Variants in DHX40 observed in about 807,000 individuals in gnomAD.
DHX40 encodes the protein probable ATP-dependent RNA helicase DHX40.
A neutral mutation model predicts 89.6 loss-of-function variants in DHX40; 28 were observed. The observed-to-expected ratio is 0.31, with a 90% CI of 0.23 to 0.43. The LOEUF (loss-of-function observed/expected upper bound fraction) is 0.43, where lower values mean the gene tolerates loss of function less well. Among genes scored for constraint, DHX40 ranks in the 20% least tolerant of loss-of-function variants. The probability of loss-of-function intolerance (pLI) is 1.00; values close to 1 mark genes in which losing one functional copy is unlikely to be tolerated. For missense variants in DHX40, 457 were observed against 844.0 expected, an observed-to-expected ratio of 0.54 and a Z score of 5.68; for synonymous variants, 226 against 283.6, an observed-to-expected ratio of 0.80 and a Z score of 2.04.
At position 59,573,140 on chromosome 17, in the gene DHX40, G is replaced by A. The variant is rs2048834238; in HGVS notation, c.451G>A (p.Asp151Asn). Residue 151 changes from aspartate (D) to asparagine (N), a missense_variant, in exon 4 of 18, where the codon GAT becomes AAT. By Grantham distance (23) the Asp-to-Asn change is conservative (BLOSUM62 1). Around this residue, in one of 9 missense-constraint regions of DHX40, gnomAD observed 9 missense variants for 44.4 expected, o/e 0.20. Transcript: ENST00000251241. ...GGAGACAGCAATCAAATATATGACT[G>A]ATGGATGTTTACTGAAACATATTCT... Reference protein sequence around the residue: ...SKETAIKYMTDGCLLKHILGD... With the variant: ...SKETAIKYMTNGCLLKHILGD... 1 of 1,612,448 alleles carries A rather than the reference G, an allele frequency of 6.2e-7. No individual in the cohort carries two copies. The highest frequency in any genetic ancestry group is 8.5e-7 in the Non-Finnish European group (1 of 1,179,514).
chr17:59,577,227 A>T, intron 7 of DHX40, 39 bp from the exon 8 acceptor site: 1 of 1,518,240 alleles, frequency 6.6e-7, no homozygotes, highest in Non-Finnish European at 9.1e-7. Context: ...TGACACATGC[A>T]TGTTGTAAAT....
At chr17:59,571,386 G>A (rs2048805764) in intron 3 of DHX40, among the ~76,000 whole-genome samples, 1 of 150,886 alleles carries the variant, frequency 6.6e-6, no homozygotes, top group Non-Finnish European at 1.5e-5. Flanking sequence ...GAACCCGGGA[G>A]GCGGAGGTTG....
At chr17:59,595,297 G>C (rs1268317790) in intron 12 of DHX40, among the ~76,000 whole-genome samples, 1 of 147,812 alleles carries the variant, frequency 6.8e-6, no homozygotes, top group Non-Finnish European at 1.5e-5. Context: ...TGGTCAGGCT[G>C]GTCTCGAACT....
intron 1 of DHX40, among the ~76,000 whole-genome samples, chr17:59,566,233 A>T (rs2048703200): frequency 6.6e-6 from 1 of 152,180 alleles, no homozygotes; most frequent in Non-Finnish European, 1.5e-5. Context: ...CATGAATCAG[A>T]AGCAAACACA....
Position 59,588,219 on chromosome 17 carries a change from T to TAA in DHX40, c.1582+187_1582+188dup, listed in dbSNP as rs1169868073. Among the ~76,000 whole-genome samples the TAA allele has an allele frequency of 3.5e-3, 236 of 67,756 alleles. 3 individuals carry two copies. Among genetic ancestry groups the TAA allele is most frequent in the African/African-American group, 0.015 (213 of 14,672 alleles). 44.5% of individuals were successfully genotyped at this position (67,756 alleles called of 152,430 possible). A position where few individuals can be genotyped will look rare whatever the true frequency, so the allele number is the denominator to read the frequency against. On this transcript the variant is annotated intron_variant, in intron 12 of 17. Transcript: ENST00000251241. Reference sequence around the variant, plus strand: ...CAACATGGTAAAACCCCATCTCTACTAAAAAAAAAAAAAAAAAAAAAACCA... The same window carrying TAA: ...CAACATGGTAAAACCCCATCTCTACTAAAAAAAAAAAAAAAAAAAAAAAACCA...
In DHX40 at chr17:59,566,686, C is replaced by G; in HGVS notation, c.172C>G (p.Gln58Glu). 1 of 1,604,688 alleles carries G rather than the reference C, an allele frequency of 6.2e-7. No homozygotes were observed. The highest frequency in any genetic ancestry group is 1.7e-4 in the Middle Eastern group (1 of 6,038). The change falls in exon 2 of 18, where the codon CAA (glutamine) becomes GAA (glutamate). Residue 58 changes from glutamine (Q) to glutamate (E), a missense_variant. Physicochemically the swap from Gln to Glu is conservative, Grantham distance 29. Around this residue, in one of 9 missense-constraint regions of DHX40, gnomAD observed 75 missense variants for 76.8 expected, o/e 0.98. Transcript: ENST00000251241. Reference protein sequence around the residue: ...GTTPTFPIQKQRKKIIQAVRD... With the variant: ...GTTPTFPIQKERKKIIQAVRD... ...TACTCCAACTTTTCCTATTCAGAAA[C>G]AAAGAAAAAAGATTATTCAAGCTGT...
intron 14 of DHX40, 111 bp from the exon 15 acceptor site, chr17:59,602,411 A>T: frequency 3.2e-6 from 3 of 950,086 alleles, no homozygotes; most frequent in Non-Finnish European, 4.6e-6. Context: ...GGTCTCTCTT[A>T]ATCTATGTTG....
Position 59,607,234 on chromosome 17 carries a change from C to A in DHX40, c.*62C>A. On this transcript the variant is annotated 3_prime_UTR_variant, in exon 18 of 18. Transcript: ENST00000251241. ...AGCCAGGAAATGTGCTTCTACTTTG[C>A]CAGTTATTTCAGACAGCACTACCAA... 1 of 1,614,032 alleles carries A rather than the reference C, an allele frequency of 6.2e-7. No individual in the cohort carries two copies. Among genetic ancestry groups the A allele is most frequent in the Non-Finnish European group, 8.5e-7 (1 of 1,180,008 alleles).
intron 14 of DHX40, among the ~76,000 whole-genome samples, chr17:59,602,239 C>T (rs888285200): frequency 1.3e-5 from 2 of 152,126 alleles, no homozygotes; most frequent in Non-Finnish European, 2.9e-5. Context: ...TTCCCTGTAC[C>T]TTGGTCTGCA....
At position 59,570,614 on chromosome 17, in the gene DHX40, T is replaced by C; in HGVS notation, c.377T>C (p.Leu126Ser). Residue 126 changes from leucine to serine, a missense_variant, in exon 3 of 18, where the codon TTG becomes TCG. Transcript: ENST00000251241. The part of the protein sequence containing the change: ...QRVAEEMKCT[L>S]GSKVGYQVRF... ...GTAGCTGAAGAAATGAAATGCACTTTGGGATCCAAAGTAGGATACCAAGTT... is the reference window on the plus strand; with the variant it reads ...GTAGCTGAAGAAATGAAATGCACTTCGGGATCCAAAGTAGGATACCAAGTT... The C allele has an allele frequency of 6.2e-7, 1 of 1,609,628 alleles. No individual in the cohort carries two copies. The highest frequency in any genetic ancestry group is 8.5e-7 in the Non-Finnish European group (1 of 1,177,984).
At chr17:59,578,094 C>T (rs2048910206) in intron 8 of DHX40, among the ~76,000 whole-genome samples, 2 of 151,928 alleles carry the variant, frequency 1.3e-5, no homozygotes, top group Non-Finnish European at 2.9e-5. Context: ...AATTTTAAGT[C>T]TGGACTGACA....
At chr17:59,578,012 C>T (rs935207715) in intron 8 of DHX40, among the ~76,000 whole-genome samples, 3 of 152,054 alleles carry the variant, frequency 2.0e-5, no homozygotes, top group South Asian at 4.1e-4. Context: ...TGATTCAGGT[C>T]CCTTATCTTT....
rs918082082 is a variant in DHX40, at chr17:59,602,619, A to G, written c.1901+3A>G. 3 of 1,612,390 alleles carry G rather than the reference A, an allele frequency of 1.9e-6. No homozygotes were observed. In the African/African-American group the frequency reaches 4.0e-5, roughly 21 times the overall value. On this transcript the variant is annotated splice_donor_region_variant and intron_variant, in intron 15 of 17. Transcript: ENST00000251241. ...TATTTCAAAAATGTAGCTCGAAGGT[A>G]AGCAATAAAGACTTGAGAGATGGAT...
chr17:59,607,101 C>T lies in DHX40; in HGVS notation c.2269C>T (p.Arg757Trp), dbSNP rs763276276. The part of the protein sequence containing the change: ...RNDDKSISDA[R>W]ARFLERKQQR... ...TGATGACAAATCCATATCTGATGCA[C>T]GGGCTCGTTTCCTTGAGAGAAAGCA... Residue 757 changes from arginine (R) to tryptophan (W), a missense_variant, in exon 18 of 18, where the codon CGG becomes TGG. Around this residue, in one of 9 missense-constraint regions of DHX40, gnomAD observed 120 missense variants for 161.7 expected, o/e 0.74. Transcript: ENST00000251241. 5 of 1,614,146 alleles carry T rather than the reference C, an allele frequency of 3.1e-6. No homozygotes were observed. Among genetic ancestry groups the T allele is most frequent in the South Asian group, 1.1e-5 (1 of 91,080 alleles).
At chr17:59,566,339 A>G (rs1567851789) in intron 1 of DHX40, among the ~76,000 whole-genome samples, 1 of 152,226 alleles carries the variant, frequency 6.6e-6, no homozygotes, top group Non-Finnish European at 1.5e-5. Context: ...GTAAGTATGC[A>G]TGTGTATACG....
intron 12 of DHX40, among the ~76,000 whole-genome samples, 166 bp downstream of exon 12, chr17:59,588,219 T>TAAAAAAAAAAAAAAAAAAAA (rs1169868073): frequency 1.5e-5 from 1 of 67,820 alleles, no homozygotes; most frequent in African/African-American, 6.8e-5. Flanking sequence ...CCATCTCTAC[T>TAAAAAAAAAAAAAAAAAAAA]AAAAAAAAAA....
chr17:59,605,738 TA>T (rs2030804434), intron 17 of DHX40, 64 bp downstream of exon 17: 1 of 1,449,344 alleles, frequency 6.9e-7, no homozygotes, highest in Admixed American at 1.9e-5. Context: ...AGTACTTCAC[TA>T]TTTTTGTTTA....
In DHX40 at chr17:59,565,706, CA is replaced by C; in HGVS notation, c.37del (p.Arg13GlyfsTer54). 1 of 1,603,638 alleles carries C rather than the reference CA, an allele frequency of 6.2e-7. No homozygotes were observed. ...SRFPAVAGRAPRRQEEGERSR... is the reference protein window; with the variant it reads ...SRFPAVAGRAXRRQEEGERSR... ...TTTCCCGCAGTCGCGGGCAGGGCGC[CA>C]AGGCGGCAGGAGGAGGGTGAGCGGT... On this transcript the variant is annotated frameshift_variant, in exon 1 of 18. Transcript: ENST00000251241. LOFTEE classifies it high-confidence loss of function.
intron 1 of DHX40, 23 bp from the exon 2 acceptor site, chr17:59,566,604 G>A: frequency 6.4e-7 from 1 of 1,559,122 alleles, no homozygotes; most frequent in East Asian, 2.3e-5. Context: ...TCTTTTAATT[G>A]ACTTGTTTTT....
Sources: gnomAD v4.1 joint callset for allele counts (sites outside exome capture counted in the v4.1 genomes callset) on GRCh38, gnomAD v4.1.1 for gene constraint, gnomAD v4.1.1 regional missense constraint, MANE v1.5 for transcripts, NCBI Gene and HGNC (gene_info 2026-07-23, HGNC 2026-07-21) for gene names.